Variants in AAGAB observed in about 807,000 individuals in gnomAD.
The protein encoded by AAGAB is alpha and gamma adaptin binding protein.
In AAGAB, 38 loss-of-function variants were observed where a neutral mutation model predicts 44.1. That is an observed-to-expected ratio of 0.86 (90% CI 0.67 to 1.13). The LOEUF (loss-of-function observed/expected upper bound fraction) is 1.13, where lower values mean the gene tolerates loss of function less well. Ranked by LOEUF, AAGAB falls within the 50% of genes most tolerant of loss-of-function variation. The pLI, the probability that AAGAB is intolerant of heterozygous loss-of-function variation, is 0.00. For missense variants in AAGAB, 450 were observed against 373.8 expected, an observed-to-expected ratio of 1.20 and a Z score of -1.68; for synonymous variants, 131 against 131.8, an observed-to-expected ratio of 0.99 and a Z score of 0.04.
chr15:67,255,026 A>G (rs1965081332), upstream of AAGAB: 2 of 1,393,992 alleles, frequency 1.4e-6, no homozygotes, highest in South Asian at 1.2e-5. Flanking sequence ...CGATTCACCG[A>G]CGCTCACCCA....
intron 1 of AAGAB, among the ~76,000 whole-genome samples, chr15:67,250,332 G>A (rs1433786291): frequency 2.6e-5 from 4 of 152,086 alleles, no homozygotes; most frequent in South Asian, 2.1e-4. Flanking sequence ...ACGCACCACC[G>A]TGCCCAGCTA....
intron 1 of AAGAB, among the ~76,000 whole-genome samples, chr15:67,237,668 T>A (rs1441339655): frequency 6.6e-6 from 1 of 152,160 alleles, no homozygotes; most frequent in African/African-American, 2.4e-5. Flanking sequence ...TGTTCCAACC[T>A]AAACTCCCGT....
At chr15:67,217,469 G>T (rs1370197664) in intron 5 of AAGAB, among the ~76,000 whole-genome samples, 4 of 152,120 alleles carry the variant, frequency 2.6e-5, no homozygotes, top group Non-Finnish European at 5.9e-5. Flanking sequence ...TTTATTTAAG[G>T]CATTAGCCAT....
chr15:67,237,547 A>G (rs540276381), intron 1 of AAGAB, among the ~76,000 whole-genome samples: 15 of 152,356 alleles, frequency 9.8e-5, no homozygotes, highest in African/African-American at 3.6e-4. Context: ...CCCCACAGTA[A>G]GAGACAAGTC....
At chr15:67,241,581 C>T (rs1044798088) in intron 1 of AAGAB, among the ~76,000 whole-genome samples, 5 of 151,864 alleles carry the variant, frequency 3.3e-5, no homozygotes, top group Non-Finnish European at 5.9e-5. Flanking sequence ...GACCTGGGGT[C>T]GGACAGGCCT....
chr15:67,214,060 A>G (rs992493412), intron 5 of AAGAB, among the ~76,000 whole-genome samples: 6 of 152,218 alleles, frequency 3.9e-5, no homozygotes, highest in African/African-American at 1.4e-4. Flanking sequence ...TACTCTTTCC[A>G]TTAAGGCCAG....
intron 3 of AAGAB, 48 bp downstream of exon 3, chr15:67,236,360 G>C (rs770872438): frequency 4.6e-6 from 7 of 1,526,376 alleles, no homozygotes; most frequent in Non-Finnish European, 6.3e-6. Flanking sequence ...TGTTTATCAA[G>C]GAATGGCAAA....
intron 5 of AAGAB, among the ~76,000 whole-genome samples, chr15:67,224,585 C>CTTTTTTT (rs892410820): frequency 7.2e-6 from 1 of 138,836 alleles, no homozygotes; most frequent in African/African-American, 2.6e-5. Flanking sequence ...TTTTTCTTTT[C>CTTTTTTT]TTTTTTTTTT....
At chr15:67,211,885 C>CTTT (rs11397902) in intron 5 of AAGAB, among the ~76,000 whole-genome samples, 1 of 147,826 alleles carries the variant, frequency 6.8e-6, no homozygotes. Flanking sequence ...ATGCCTAATT[C>CTTT]TTTTTTTTTT....
intron 5 of AAGAB, among the ~76,000 whole-genome samples, chr15:67,223,796 C>T (rs1964138503): frequency 6.6e-6 from 1 of 152,180 alleles, no homozygotes; most frequent in Admixed American, 6.5e-5. Context: ...AATAATCTAG[C>T]CCTTCGTTAC....
chr15:67,228,235 G>C (rs1964249851), intron 5 of AAGAB, among the ~76,000 whole-genome samples: 1 of 152,170 alleles, frequency 6.6e-6, no homozygotes, highest in Non-Finnish European at 1.5e-5. Context: ...AAAATTTTGT[G>C]AAAATAGTTC....
In AAGAB at chr15:67,209,557, A is replaced by G; in HGVS notation, c.536-13T>C. 3 of 1,601,028 alleles carry G rather than the reference A, an allele frequency of 1.9e-6. No homozygotes were observed. The highest frequency in any genetic ancestry group is 2.6e-6 in the Non-Finnish European group (3 of 1,168,598). On this transcript the variant is annotated splice_polypyrimidine_tract_variant and intron_variant, in intron 5 of 9. Transcript: ENST00000261880. Reference sequence around the variant, plus strand: ...CCTTGGTTCCTATCTGAAAAGGAAAAATACACTTAGTGAAATTTGTCATTT... The same window carrying G: ...CCTTGGTTCCTATCTGAAAAGGAAAGATACACTTAGTGAAATTTGTCATTT...
intron 5 of AAGAB, among the ~76,000 whole-genome samples, chr15:67,224,876 T>C (rs1016140727): frequency 6.6e-6 from 1 of 152,136 alleles, no homozygotes; most frequent in Non-Finnish European, 1.5e-5. Context: ...CCACCGCACC[T>C]GGCCAAAAGT....
rs116548027 is a variant in AAGAB at position 67,254,198 on chromosome 15, C to T, written c.73+361G>A. ...TCTCCCGGAGCAGCAAGGATAACAA[C>T]ATCACGATATCAACAATTCCAGCAC... is the stretch of plus-strand genomic sequence containing the variant. On this transcript the variant is annotated intron_variant, in intron 1 of 9. Coordinates refer to ENST00000261880, the MANE Select transcript of AAGAB (RefSeq NM_024666.5). 222 of 236,000 alleles carry T rather than the reference C, an allele frequency of 9.4e-4. 1 individual carries two copies. The highest frequency in any genetic ancestry group is 4.8e-3 in the African/African-American group (215 of 44,634). 14.6% of individuals were successfully genotyped at this position (236,000 alleles called of 1,614,324 possible). A position where few individuals can be genotyped will look rare whatever the true frequency, so the allele number is the denominator to read the frequency against.
intron 7 of AAGAB, among the ~76,000 whole-genome samples, chr15:67,207,534 T>C (rs1017833843): frequency 6.6e-6 from 1 of 152,250 alleles, no homozygotes; most frequent in Non-Finnish European, 1.5e-5. Context: ...TTATTTTCTA[T>C]ATGTCAGTAT....
intron 5 of AAGAB, among the ~76,000 whole-genome samples, chr15:67,213,733 T>A (rs1003118844): frequency 1.3e-5 from 2 of 152,196 alleles, no homozygotes; most frequent in African/African-American, 4.8e-5. Context: ...ACGCAGTAGG[T>A]ATAACAATAT....
intron 7 of AAGAB, among the ~76,000 whole-genome samples, chr15:67,207,846 T>C (rs890459267): frequency 1.2e-4 from 11 of 91,968 alleles, no homozygotes; most frequent in Admixed American, 2.3e-4. Context: ...AAAAAAATTA[T>C]ACATAATTTT....
In AAGAB at chr15:67,235,990, G is replaced by C; in HGVS notation, c.440C>G (p.Pro147Arg). 1 of 1,609,832 alleles carries C rather than the reference G, an allele frequency of 6.2e-7. No homozygotes were observed. The highest frequency in any genetic ancestry group is 2.2e-5 in the East Asian group (1 of 44,700). ...ELVELSPEEL[P>R]EEDDDFPEST... ...ACATAAACACTTACCATCCTCCTCA[G>C]GCAACTCCTCTGGACTAAGTTCTAC... The change falls in exon 4 of 10, where the codon CCT becomes CGT. Residue 147 changes from proline (P) to arginine (R), a missense_variant. Physicochemically the swap from Pro to Arg is moderately radical, Grantham distance 103 (BLOSUM62 -2). Transcript: ENST00000261880.
intron 1 of AAGAB, among the ~76,000 whole-genome samples, chr15:67,253,276 C>G (rs1213046784): frequency 1.7e-4 from 14 of 81,690 alleles, no homozygotes; most frequent in African/African-American, 4.0e-4. Flanking sequence ...GGGGGGGGGG[C>G]AATTAGCCGG....
Sources: allele counts gnomAD v4.1 joint callset (sites outside exome capture counted in the v4.1 genomes callset), GRCh38; gene constraint gnomAD v4.1.1; transcripts MANE v1.5; gene names NCBI Gene and HGNC (gene_info 2026-07-23, HGNC 2026-07-21).